TRIM55: variants seen among roughly 807,000 people sequenced by gnomAD.
The protein encoded by TRIM55 is tripartite motif containing 55.
In TRIM55, 50 loss-of-function variants were observed where a neutral mutation model predicts 60.9. That is an observed-to-expected ratio of 0.82 (90% CI 0.65 to 1.04). The LOEUF (loss-of-function observed/expected upper bound fraction) is 1.04. Ranked by LOEUF, TRIM55 falls within the 50% of genes least tolerant of loss-of-function variation. The pLI is 0.00. For missense variants in TRIM55, 681 were observed against 666.9 expected (o/e 1.02, Z -0.23); for synonymous variants, 237 against 238.1 (o/e 1.00, Z 0.04).
intron 9 of TRIM55, among the ~76,000 whole-genome samples, chr8:66,165,092 A>C (rs1811253636): frequency 6.6e-6 from 1 of 152,142 alleles, no homozygotes; most frequent in Admixed American, 6.5e-5. Flanking sequence ...TTCAGAAACC[A>C]ATACACGTGT....
intron 9 of TRIM55, 139 bp downstream of exon 9, chr8:66,154,473 T>A: frequency 1.1e-6 from 1 of 923,718 alleles, no homozygotes; most frequent in Non-Finnish European, 1.6e-6. Flanking sequence ...AAACAATTCA[T>A]CCCCCAATGT....
chr8:66,161,367 T>G (rs1394255127), intron 9 of TRIM55, among the ~76,000 whole-genome samples: 1 of 152,232 alleles, frequency 6.6e-6, no homozygotes, highest in East Asian at 1.9e-4. Context: ...GGTTCTCTAT[T>G]CTGTTCCATT....
At position 66,174,770 on chromosome 8, in the gene TRIM55, A is replaced by G; in HGVS notation, c.*177A>G. ...TTATCTAACATCTTGGGGGGAAAGA[A>G]TATTTTGAGAAAATAGTTGCAGAAA... On this transcript the variant is annotated 3_prime_UTR_variant, in exon 10 of 10. Transcript: ENST00000315962. The G allele has an allele frequency of 2.0e-6, 1 of 492,550 alleles. No individual in the cohort carries two copies. 30.5% of individuals were successfully genotyped at this position (492,550 alleles called of 1,614,324 possible).
At chr8:66,121,562 A>G in the TRIM55 span, among the ~76,000 whole-genome samples, 1 of 152,250 alleles carries the variant, frequency 6.6e-6, no homozygotes, top group Non-Finnish European at 1.5e-5. Context: ...GTGTCTAAAC[A>G]GACTGTAACG....
chr8:66,151,721 G>A (rs555052476), intron 7 of TRIM55, among the ~76,000 whole-genome samples: 11 of 152,152 alleles, frequency 7.2e-5, no homozygotes, highest in Non-Finnish European at 1.0e-4. Context: ...GCGTACGCCT[G>A]TAATCCCAGC....
intron 3 of TRIM55, among the ~76,000 whole-genome samples, chr8:66,135,718 A>G (rs113103806): frequency 3.9e-5 from 6 of 152,212 alleles, no homozygotes; most frequent in South Asian, 2.1e-4. Flanking sequence ...CCAGTTGCCT[A>G]AAAACCCCTC....
upstream of TRIM55, chr8:66,127,115 A>G: frequency 1.3e-6 from 1 of 775,904 alleles, no homozygotes; most frequent in Middle Eastern, 3.9e-4. Context: ...CAGCTCCAGC[A>G]CCCACTCCAA....
intron 9 of TRIM55, among the ~76,000 whole-genome samples, chr8:66,154,766 A>G (rs1212490611): frequency 6.6e-6 from 1 of 152,234 alleles, no homozygotes; most frequent in Non-Finnish European, 1.5e-5. Context: ...ACCCCCAAGG[A>G]GCACACTTGA....
chr8:66,171,437 T>A (rs533437839), intron 9 of TRIM55, among the ~76,000 whole-genome samples: 1 of 152,248 alleles, frequency 6.6e-6, no homozygotes, highest in Non-Finnish European at 1.5e-5. Context: ...TTCTTTTTTA[T>A]GTCTGCTTAG....
At chr8:66,168,191 G>A (rs1481368780) in intron 9 of TRIM55, among the ~76,000 whole-genome samples, 2 of 152,166 alleles carry the variant, frequency 1.3e-5, no homozygotes, top group Non-Finnish European at 2.9e-5. Flanking sequence ...AAACAGAAAT[G>A]TCTGCATTCC....
chr8:66,122,825 G>A (rs992138005), upstream of TRIM55, among the ~76,000 whole-genome samples: 3 of 152,138 alleles, frequency 2.0e-5, no homozygotes, highest in Non-Finnish European at 4.4e-5. Flanking sequence ...GTAGCAATAA[G>A]ATACCAAATT....
rs1810306826 is a variant in TRIM55 at position 66,149,786 on chromosome 8, A to G, written c.745A>G (p.Lys249Glu). 6.2e-7 allele frequency: 1 copy of G among 1,614,222 alleles called. No homozygotes were observed. The highest frequency in any genetic ancestry group is 1.3e-5 in the African/African-American group (1 of 75,082). ...EKLEHVRALI[K>E]KYSDHLENVS... Reference sequence around the variant, plus strand: ...ACTGGAACATGTCCGTGCTCTGATCAAAAAGTATTCTGATCATTTGGAGAA... The same window carrying G: ...ACTGGAACATGTCCGTGCTCTGATCGAAAAGTATTCTGATCATTTGGAGAA... The change falls in exon 5 of 10, where the codon AAA becomes GAA. Residue 249 changes from lysine to glutamate, a missense_variant. Transcript: ENST00000315962.
At chr8:66,118,209 G>A in the TRIM55 span, among the ~76,000 whole-genome samples, 3 of 142,818 alleles carry the variant, frequency 2.1e-5, no homozygotes, top group South Asian at 4.5e-4. Context: ...GTGTTCAGAG[G>A]AAAGTAAAAT....
chr8:66,114,192 G>A, the TRIM55 span, among the ~76,000 whole-genome samples: 1 of 151,844 alleles, frequency 6.6e-6, no homozygotes, highest in Admixed American at 6.6e-5. Flanking sequence ...CAGCCGTGGG[G>A]GATTAGCTCA....
At chr8:66,127,548 C>T (rs1456865912) in intron 1 of TRIM55, 112 bp downstream of exon 1, 13 of 1,347,808 alleles carry the variant, frequency 9.6e-6, no homozygotes, top group East Asian at 4.6e-5. Context: ...ATAAGGTTGC[C>T]GGGCGCTTTG....
intron 9 of TRIM55, among the ~76,000 whole-genome samples, chr8:66,174,024 A>T (rs1055058594): frequency 7.9e-5 from 12 of 152,102 alleles, no homozygotes; most frequent in African/African-American, 2.9e-4. Context: ...CAGTGGAGGG[A>T]TTATATTAAT....
At chr8:66,171,826 C>T (rs1811654674) in intron 9 of TRIM55, among the ~76,000 whole-genome samples, 1 of 152,164 alleles carries the variant, frequency 6.6e-6, no homozygotes, top group Non-Finnish European at 1.5e-5. Flanking sequence ...ATGAGGTAGC[C>T]ATGTATGAAG....
Position 66,174,655 on chromosome 8 carries a change from C to A in TRIM55, c.*62C>A. The A allele has an allele frequency of 6.8e-7, 1 of 1,476,260 alleles. No individual in the cohort carries two copies. Among genetic ancestry groups the A allele is most frequent in the South Asian group, 1.3e-5 (1 of 75,852 alleles). 91.4% of individuals were successfully genotyped at this position (1,476,260 alleles called of 1,614,324 possible). On this transcript the variant is annotated 3_prime_UTR_variant, in exon 10 of 10. Transcript: ENST00000315962. ...TGAGATGCATGTGGGCAGCAGGAAG[C>A]CCAAGTGAAATTAATATTATGCAGA...
intron 2 of TRIM55, among the ~76,000 whole-genome samples, chr8:66,130,564 G>GT (rs943317399): frequency 2.6e-5 from 4 of 150,948 alleles, no homozygotes; most frequent in Non-Finnish European, 5.9e-5. Flanking sequence ...AAGGGGGTCG[G>GT]GGGGGGTGAC....
Sources: gnomAD v4.1 joint callset for allele counts (sites outside exome capture counted in the v4.1 genomes callset) on GRCh38, gnomAD v4.1.1 for gene constraint, MANE v1.5 for transcripts, NCBI Gene and HGNC (gene_info 2026-07-23, HGNC 2026-07-21) for gene names.